WDFY4: variants seen among roughly 807,000 people sequenced by gnomAD.
WDFY4 encodes the protein WD repeat- and FYVE domain-containing protein 4.
A neutral mutation model predicts 351.9 loss-of-function variants in WDFY4; 169 were observed. The ratio of observed to expected loss-of-function variants is 0.48; its 90% CI spans 0.42 to 0.55. The LOEUF (loss-of-function observed/expected upper bound fraction) is 0.55. Among genes scored for constraint, WDFY4 ranks in the 20% least tolerant of loss-of-function variants. The pLI, the probability that WDFY4 is intolerant of heterozygous loss-of-function variation, is 0.00. For synonymous variants in WDFY4, 1,622 were observed against 1,574.6 expected (o/e 1.03, Z -0.71); for missense variants, 3,803 against 3,935.6 (o/e 0.97, Z 0.90).
intron 54 of WDFY4, 93 bp downstream of exon 54, chr10:48,964,147 T>C (rs1260165743): frequency 7.3e-7 from 1 of 1,370,834 alleles, no homozygotes; most frequent in South Asian, 1.3e-5. Flanking sequence ...AGGAGATGGC[T>C]GAAGAGGTGA....
intron 43 of WDFY4, among the ~76,000 whole-genome samples, chr10:48,879,379 A>T (rs1172227499): frequency 1.3e-5 from 2 of 152,186 alleles, no homozygotes; most frequent in Admixed American, 1.3e-4. Flanking sequence ...GTCAGAAAGG[A>T]TCCATAGTAA....
chr10:48,819,006 C>T (rs2067718394), intron 32 of WDFY4, among the ~76,000 whole-genome samples: 1 of 152,210 alleles, frequency 6.6e-6, no homozygotes, highest in African/African-American at 2.4e-5. Context: ...ATGCCCAGCT[C>T]AGCCCCCATG....
chr10:48,787,950 T>TCTTCTTCTTCTTCTTCTTCTTCTTCTC (rs2066528352), intron 20 of WDFY4, among the ~76,000 whole-genome samples: 1 of 100,692 alleles, frequency 9.9e-6, no homozygotes, highest in South Asian at 3.8e-4. Flanking sequence ...TTCTTCTTCT[T>TCTTCTTCTTCTTCTTCTTCTTCTTCTC]CTTCTTCTTC....
chr10:48,962,267 G>C (rs1229935787), intron 53 of WDFY4, among the ~76,000 whole-genome samples: 3 of 152,186 alleles, frequency 2.0e-5, no homozygotes, highest in Non-Finnish European at 4.4e-5. Context: ...CGTATGACAT[G>C]ACTCAAATGT....
chr10:48,893,632 A>G (rs1836925030), intron 44 of WDFY4, among the ~76,000 whole-genome samples: 1 of 152,192 alleles, frequency 6.6e-6, no homozygotes, highest in Non-Finnish European at 1.5e-5. Context: ...AGTGAATTAG[A>G]TGTGGACTAA....
intron 43 of WDFY4, among the ~76,000 whole-genome samples, chr10:48,889,779 C>T (rs59881269): frequency 4.8e-4 from 73 of 152,326 alleles, no homozygotes; most frequent in African/African-American, 1.7e-3. Flanking sequence ...GCTGGGCCAG[C>T]GGAGAAGTGC....
Position 48,973,559 on chromosome 10 carries a change from G to A in WDFY4, c.8929-1303G>A, listed in dbSNP as rs113731795. Among the ~76,000 whole-genome samples the A allele has an allele frequency of 6.4e-3, 982 of 152,386 alleles. 8 individuals are homozygous for A. The highest frequency in any genetic ancestry group is 0.027 in the Middle Eastern group (8 of 294). On this transcript the variant is annotated intron_variant, in intron 57 of 61. Coordinates refer to ENST00000325239, the MANE Select transcript of WDFY4 (RefSeq NM_001394531.1). ...AGGGTGGAGGTTTACCACTTGGTAA[G>A]CCAGGCCAATTACGCTTCAGAATGC...
chr10:48,847,110 G>A (rs576027417), intron 39 of WDFY4, among the ~76,000 whole-genome samples: 134 of 152,208 alleles, frequency 8.8e-4, no homozygotes, highest in African/African-American at 3.1e-3. Context: ...TCGCAGTCCC[G>A]GAGGCTAGAG....
At chr10:48,969,670 ATGCAGTCACCTC>A (rs1489836308) in intron 56 of WDFY4, among the ~76,000 whole-genome samples, 4 of 152,060 alleles carry the variant, frequency 2.6e-5, no homozygotes, top group African/African-American at 9.7e-5. Flanking sequence ...CGTGTAGGCC[ATGCAGTCACCTC>A]TGCCTTCTTG....
At chr10:48,876,149 A>T (rs2069996363) in intron 42 of WDFY4, among the ~76,000 whole-genome samples, 1 of 152,216 alleles carries the variant, frequency 6.6e-6, no homozygotes, top group Non-Finnish European at 1.5e-5. Context: ...CAAAGGAGAA[A>T]AAAGGTCCTG....
chr10:48,807,769 A>G, intron 27 of WDFY4, 90 bp from the exon 28 acceptor site: 1 of 1,418,216 alleles, frequency 7.1e-7, no homozygotes, highest in East Asian at 2.6e-5. Context: ...CCTGGGTGAA[A>G]TAAGCATTTG....
intron 1 of WDFY4, among the ~76,000 whole-genome samples, chr10:48,697,459 G>A (rs2063360886): frequency 6.6e-6 from 1 of 152,218 alleles, no homozygotes; most frequent in Non-Finnish European, 1.5e-5. Context: ...CAATGTTGGG[G>A]AACCCGGCCT....
chr10:48,913,493 C>T (rs781345560), intron 47 of WDFY4: 10 of 1,613,812 alleles, frequency 6.2e-6, no homozygotes, highest in Non-Finnish European at 8.5e-6. Flanking sequence ...TGATTCTATT[C>T]AGGTTGTCCC....
Position 48,774,575 on chromosome 10 carries a change from C to T in WDFY4, c.2671C>T (p.His891Tyr). ...GLLGTLMASCHRALVTSGSPL... is the reference protein window; with the variant it reads ...GLLGTLMASCYRALVTSGSPL... ...GCTTGGGACCCTCATGGCCTCCTGC[C>T]ACAGGGCCCTGGTCACCAGTGGCAG... The change falls in exon 14 of 62, where the codon CAC (histidine) becomes TAC (tyrosine). Residue 891 changes from histidine (H) to tyrosine (Y), a missense_variant. Coordinates refer to ENST00000325239, the MANE Select transcript of WDFY4 (RefSeq NM_001394531.1). 6.4e-7 allele frequency: 1 copy of T among 1,551,626 alleles called. No homozygotes were observed. The highest frequency in any genetic ancestry group is 1.2e-5 in the South Asian group (1 of 84,050).
rs140356652 is a variant in WDFY4 at position 48,781,382 on chromosome 10, T to C, written c.3576+1263T>C. Among the ~76,000 whole-genome samples the C allele has an allele frequency of 3.0e-4, 46 of 152,172 alleles. No individual in the cohort carries two copies. In the East Asian group the frequency reaches 8.7e-3, roughly 29 times the overall value. On this transcript the variant is annotated intron_variant, in intron 19 of 61. Transcript: ENST00000325239. ...TGCGATCTCAGCTCTCCGCAACCAC[T>C]GCCTCCAGGATTCAAGCGATTCTCC... is the stretch of plus-strand genomic sequence containing the variant.
At chr10:48,814,147 C>A in intron 31 of WDFY4, 65 bp downstream of exon 31, 1 of 1,449,730 alleles carries the variant, frequency 6.9e-7, no homozygotes, top group Non-Finnish European at 9.2e-7. Context: ...TTGGAAGGGT[C>A]ACCTTGACTT....
At chr10:48,822,848 T>C (rs1162914000) in intron 35 of WDFY4, among the ~76,000 whole-genome samples, 1 of 152,218 alleles carries the variant, frequency 6.6e-6, no homozygotes. Context: ...ATTGTTGGTT[T>C]GACCTTAATT....
chr10:48,901,821 G>C lies in WDFY4; in HGVS notation c.7544G>C (p.Ser2515Thr), dbSNP rs375950647. 12 of 1,551,436 alleles carry C rather than the reference G, an allele frequency of 7.7e-6. No homozygotes were observed. The highest frequency in any genetic ancestry group is 2.0e-5 in the Admixed American group (1 of 50,976). ...TGTAGCTTCTGCTCTTTCCAACCCA[G>C]CCTGAAGGGGAAAGCCACCTCGGAG... ...AFKSFCSFQP[S>T]LKGKATSEDT... Residue 2515 changes from serine to threonine, a missense_variant, in exon 47 of 62, where the codon AGC becomes ACC. By Grantham distance (58) the Ser-to-Thr change is moderately conservative. This residue lies in a region of WDFY4 where 3,054 missense variants were observed against 3,148.6 expected (regional missense o/e 0.97). Coordinates refer to ENST00000325239, the MANE Select transcript of WDFY4 (RefSeq NM_001394531.1).
At chr10:48,830,946 G>T (rs755455510) in intron 38 of WDFY4, 61 bp downstream of exon 38, 15 of 1,503,530 alleles carry the variant, frequency 1.0e-5, no homozygotes, top group African/African-American at 4.2e-5. Context: ...CCAGACTCCC[G>T]CAAGGTTCAA....
Sources: gnomAD v4.1 joint callset for allele counts (sites outside exome capture counted in the v4.1 genomes callset) on GRCh38, gnomAD v4.1.1 for gene constraint, gnomAD v4.1.1 regional missense constraint, MANE v1.5 for transcripts, NCBI Gene and HGNC (gene_info 2026-07-23, HGNC 2026-07-21) for gene names.